Variants in MYPN observed in about 807,000 individuals in gnomAD.
The protein encoded by MYPN is myopalladin, also known as sarcomeric protein myopalladin, 145 kDa (MYOP).
In MYPN, 63 loss-of-function variants were observed where a neutral mutation model predicts 129.4. The ratio of observed to expected loss-of-function variants is 0.49; its 90% CI spans 0.40 to 0.60. MYPN has a LOEUF of 0.60. Ranked by LOEUF, MYPN falls within the 20% of genes least tolerant of loss-of-function variation. The pLI is 0.00. For synonymous variants in MYPN, 629 were observed against 600.9 expected (o/e 1.05, Z -0.68); for missense variants, 1,596 against 1,635.4 (o/e 0.98, Z 0.42).
chr10:68,196,921 T>G (rs2043617126), intron 15 of MYPN, among the ~76,000 whole-genome samples: 1 of 152,212 alleles, frequency 6.6e-6, no homozygotes, highest in South Asian at 2.1e-4. Context: ...CCAGGTTAAA[T>G]TTTATTACTC....
At chr10:68,118,662 C>T (rs545763814) in intron 1 of MYPN, among the ~76,000 whole-genome samples, 5 of 152,104 alleles carry the variant, frequency 3.3e-5, no homozygotes, top group Non-Finnish European at 5.9e-5. Context: ...AGAGAGACCT[C>T]GTTCCTACAG....
Position 68,093,143 on chromosome 10 carries a change from G to A in MYPN, c.-2+5151G>A, listed in dbSNP as rs764595876. Among the ~76,000 whole-genome samples the A allele has an allele frequency of 9.9e-5, 15 of 152,102 alleles. No individual in the cohort carries two copies. In the South Asian group the frequency reaches 1.4e-3, roughly 15 times the overall value. ...TCCTCCTGCCTTGGCCTCCCAAAGC[G>A]GTGGAATTTTAGGCGTGAGCCACCA... On this transcript the variant is annotated intron_variant, in intron 1 of 6. Transcript: ENST00000685154.
intron 10 of MYPN, among the ~76,000 whole-genome samples, chr10:68,169,322 C>T (rs1359798220): frequency 6.7e-6 from 1 of 150,098 alleles, no homozygotes; most frequent in African/African-American, 2.5e-5. Context: ...CGCGTTACTG[C>T]ACTCCAGCCT....
At chr10:68,088,976 A>G (rs770472702) in intron 1 of MYPN, among the ~76,000 whole-genome samples, 14 of 152,204 alleles carry the variant, frequency 9.2e-5, no homozygotes, top group Middle Eastern at 6.8e-3. Flanking sequence ...AGACTTGCCT[A>G]TTCTCGATAT....
At chr10:68,154,280 T>C (rs1187115164) in intron 6 of MYPN, among the ~76,000 whole-genome samples, 1 of 152,234 alleles carries the variant, frequency 6.6e-6, no homozygotes, top group East Asian at 1.9e-4. Context: ...CTTACTCCTA[T>C]CACTGCTCCC....
At chr10:68,204,078 C>T (rs2043769040) in intron 18 of MYPN, among the ~76,000 whole-genome samples, 2 of 152,196 alleles carry the variant, frequency 1.3e-5, no homozygotes, top group African/African-American at 2.4e-5. Context: ...GCTTCCTCCC[C>T]AGCTTGGTCC....
intron 1 of MYPN, among the ~76,000 whole-genome samples, chr10:68,094,282 G>C (rs75290617): frequency 6.9e-6 from 1 of 145,322 alleles, no homozygotes; most frequent in Non-Finnish European, 1.5e-5. Flanking sequence ...TTTTTTTTTT[G>C]AGATGGAGTT....
chr10:68,163,884 T>C (rs1042848181), intron 8 of MYPN, among the ~76,000 whole-genome samples: 1 of 152,230 alleles, frequency 6.6e-6, no homozygotes, highest in South Asian at 2.1e-4. Context: ...CCTGTGGTTA[T>C]GGTTTCAATA....
At chr10:68,118,737 G>C (rs1198131600) in intron 1 of MYPN, among the ~76,000 whole-genome samples, 1 of 152,046 alleles carries the variant, frequency 6.6e-6, no homozygotes, top group Admixed American at 6.6e-5. Context: ...GGGAGGTTGA[G>C]GAGGGAGAAT....
chr10:68,180,806 A>T (rs2134224695), intron 12 of MYPN, among the ~76,000 whole-genome samples: 1 of 152,304 alleles, frequency 6.6e-6, no homozygotes, highest in African/African-American at 2.4e-5. Flanking sequence ...CAACAGAAAA[A>T]CTGTCTCCAC....
At chr10:68,177,756 T>C (rs1467148172) in intron 12 of MYPN, among the ~76,000 whole-genome samples, 2 of 152,138 alleles carry the variant, frequency 1.3e-5, no homozygotes, top group African/African-American at 2.4e-5. Flanking sequence ...GGAATGAAAA[T>C]AATCTGTGTT....
chr10:68,185,842 T>A (rs1306328707), intron 12 of MYPN, among the ~76,000 whole-genome samples: 4 of 151,766 alleles, frequency 2.6e-5, no homozygotes, highest in Non-Finnish European at 4.4e-5. Flanking sequence ...AAAAAAAATA[T>A]CCTGGTGTAA....
rs540127959 is a variant in MYPN, at chr10:68,098,178, G to A, written c.-2+10186G>A. 3.5e-4 allele frequency among the ~76,000 whole-genome samples: 54 copies of A among 152,210 alleles called. 2 individuals carry two copies. Among genetic ancestry groups the A allele is most frequent in the Admixed American group, 2.7e-3 (41 of 15,282 alleles). On this transcript the variant is annotated intron_variant, in intron 1 of 6. Coordinates refer to the MYPN transcript ENST00000685154. ...GGAGAATCTCTTGAACCTGGGAGGCGAAGGTTGCAGTGAGCTGAGATTGCG... is the reference window on the plus strand; with the variant it reads ...GGAGAATCTCTTGAACCTGGGAGGCAAAGGTTGCAGTGAGCTGAGATTGCG...
chr10:68,136,399 T>C (rs1398859297), intron 2 of MYPN: 3 of 854,336 alleles, frequency 3.5e-6, no homozygotes, highest in South Asian at 9.0e-5. Flanking sequence ...TCTAAAAACA[T>C]GCCACCGGTC....
Position 68,210,759 on chromosome 10 carries a change from T to G in MYPN, c.*304T>G, listed in dbSNP as rs914039707. 3 of 503,076 alleles carry G rather than the reference T, an allele frequency of 6.0e-6. No homozygotes were observed. Among genetic ancestry groups the G allele is most frequent in the African/African-American group, 5.8e-5 (3 of 52,012 alleles). The allele number at this position is 503,076 out of a possible 1,614,324, so 31.2% of individuals were successfully genotyped here. ...ACTAGCATGCTCCCCTGCTCCCTGT[T>G]GTGTTAGGGATGTTTAGGTCATACT... On this transcript the variant is annotated 3_prime_UTR_variant, in exon 20 of 20. Coordinates refer to ENST00000358913, the MANE Select transcript of MYPN (RefSeq NM_032578.4).
intron 1 of MYPN, among the ~76,000 whole-genome samples, chr10:68,092,509 A>T (rs1332215759): frequency 6.6e-6 from 1 of 152,096 alleles, no homozygotes; most frequent in Admixed American, 6.5e-5. Context: ...AAAAAAAAAA[A>T]AGAAATGTAT....
intron 12 of MYPN, among the ~76,000 whole-genome samples, chr10:68,187,014 C>T (rs186170448): frequency 1.0e-3 from 157 of 152,040 alleles, no homozygotes; most frequent in African/African-American, 3.5e-3. Flanking sequence ...AAGTGTGGTC[C>T]GAGGACCTGT....
intron 18 of MYPN, among the ~76,000 whole-genome samples, chr10:68,202,265 T>C (rs1374376917): frequency 6.6e-6 from 1 of 152,036 alleles, no homozygotes; most frequent in East Asian, 1.9e-4. Flanking sequence ...ACCCTATCTT[T>C]ACTAAAAAAT....
intron 17 of MYPN, among the ~76,000 whole-genome samples, chr10:68,200,885 G>A (rs910529110): frequency 6.6e-6 from 1 of 152,132 alleles, no homozygotes; most frequent in Middle Eastern, 3.4e-3. Flanking sequence ...AATAAAACAG[G>A]AAAAACTCAT....
Sources: gnomAD v4.1 joint callset for allele counts (sites outside exome capture counted in the v4.1 genomes callset) on GRCh38, gnomAD v4.1.1 for gene constraint, MANE v1.5 for transcripts, NCBI Gene and HGNC (gene_info 2026-07-23, HGNC 2026-07-21) for gene names.